The following RPA1 variants were observed in gnomAD, a reference collection of about 807,000 sequenced individuals.
RPA1 encodes replication protein A 70 kDa DNA-binding subunit.
Under a neutral mutation model 83.0 loss-of-function variants are expected in RPA1, and 49 were observed. The ratio of observed to expected loss-of-function variants is 0.59; its 90% CI spans 0.47 to 0.75. The LOEUF is 0.75. Among genes scored for constraint, RPA1 ranks in the 30% least tolerant of loss-of-function variants. The pLI is 0.00. For synonymous variants in RPA1, 279 were observed against 281.8 expected (o/e 0.99, Z 0.10); for missense variants, 693 against 776.1 (o/e 0.89, Z 1.27).
chr17:1,875,805 C>T lies in RPA1; in HGVS notation c.587+12C>T, dbSNP rs1219756015. The T allele has an allele frequency of 3.7e-6, 6 of 1,610,996 alleles. No homozygotes were observed. Among genetic ancestry groups the T allele is most frequent in the Admixed American group, 1.7e-5 (1 of 59,326 alleles). On this transcript the variant is annotated intron_variant, in intron 7 of 16. Transcript: ENST00000254719. ...CCTTACCAGTCCAAGTGAGTTGTTG[C>T]ATAGAGTAAGTTCAGAGTGTACTTA...
intron 16 of RPA1, among the ~76,000 whole-genome samples, chr17:1,896,644 T>TCTG (rs1914441049): frequency 6.6e-6 from 1 of 152,176 alleles, no homozygotes; most frequent in Admixed American, 6.5e-5. Flanking sequence ...GTCCTCTCCC[T>TCTG]CTGCTGCAGG....
intron 8 of RPA1, 65 bp from the exon 9 acceptor site, chr17:1,878,928 C>G: frequency 6.7e-7 from 1 of 1,501,390 alleles, no homozygotes; most frequent in Non-Finnish European, 9.3e-7. Flanking sequence ...ATCCCAGTGT[C>G]ACTTGGGTGC....
At chr17:1,872,599 G>A in intron 6 of RPA1, 73 bp downstream of exon 6, 1 of 1,564,510 alleles carries the variant, frequency 6.4e-7, no homozygotes, top group Non-Finnish European at 8.7e-7. Flanking sequence ...GTTGAATCTG[G>A]GACTAAAGGG....
chr17:1,872,708 CTTTTTTTTTT>C lies in RPA1; in HGVS notation c.454+194_454+203del, dbSNP rs34892322. On this transcript the variant is annotated intron_variant, in intron 6 of 16. Transcript: ENST00000254719. ...GATTGAAAAAATAATTAAAGATTGTCTTTTTTTTTTTTTTTTTTTTTGGAAGTAGGGTCTT... is the reference window on the plus strand; with the variant it reads ...GATTGAAAAAATAATTAAAGATTGTCTTTTTTTTTTTGGAAGTAGGGTCTT... Among the ~76,000 whole-genome samples the C allele has an allele frequency of 1.5e-4, 17 of 113,032 alleles. No individual in the cohort carries two copies. In the South Asian group the frequency reaches 1.7e-3, roughly 11 times the overall value. 74.2% of individuals were successfully genotyped at this position (113,032 alleles called of 152,430 possible).
chr17:1,842,741 A>G, intron 1 of RPA1, 62 bp from the exon 2 acceptor site: 1 of 1,442,446 alleles, frequency 6.9e-7, no homozygotes. Context: ...AACTATAAAA[A>G]CATGTCATTT....
chr17:1,847,858 A>G (rs1433396710), intron 4 of RPA1, among the ~76,000 whole-genome samples: 2 of 152,044 alleles, frequency 1.3e-5, no homozygotes, highest in African/African-American at 2.4e-5. Context: ...CATCTCTACT[A>G]AAAATACACA....
chr17:1,873,055 C>T (rs537003878), intron 6 of RPA1, among the ~76,000 whole-genome samples: 51 of 152,292 alleles, frequency 3.3e-4, no homozygotes, highest in African/African-American at 1.2e-3. Flanking sequence ...TAGTAGTTGA[C>T]CAAGTAGTTT....
At chr17:1,830,295 C>G (rs1911490998) in intron 1 of RPA1, among the ~76,000 whole-genome samples, 169 bp downstream of exon 1, 1 of 152,212 alleles carries the variant, frequency 6.6e-6, no homozygotes, top group Admixed American at 6.5e-5. Flanking sequence ...TCATCGCCCC[C>G]TCCTCAAAGC....
At chr17:1,872,708 CTTTTTTTTT>C (rs34892322) in intron 6 of RPA1, among the ~76,000 whole-genome samples, 182 bp downstream of exon 6, 3 of 113,032 alleles carry the variant, frequency 2.7e-5, no homozygotes, top group African/African-American at 9.9e-5. Context: ...TAAAGATTGT[CTTTTTTTTT>C]TTTTTTTTTT....
rs55800538 is a variant in RPA1, at chr17:1,879,311, G to T, written c.856G>T (p.Val286Phe). Residue 286 changes from valine to phenylalanine, a missense_variant, in exon 10 of 17, where the codon GTC (valine) becomes TTC (phenylalanine). Transcript: ENST00000254719. Reference sequence around the variant, plus strand: ...GATGACCTTCAATAACGAGACTTCCGTCATGCCCTGTGAGGACGACCATCA... The same window carrying T: ...GATGACCTTCAATAACGAGACTTCCTTCATGCCCTGTGAGGACGACCATCA... The part of the protein sequence containing the change: ...YEMTFNNETS[V>F]MPCEDDHHLP... The T allele has an allele frequency of 1.5e-4, 240 of 1,614,088 alleles. No homozygotes were observed. Among genetic ancestry groups the T allele is most frequent in the Non-Finnish European group, 1.9e-4 (229 of 1,180,046 alleles).
At chr17:1,879,145 G>T in intron 9 of RPA1, 70 bp from the exon 10 acceptor site, 3 of 1,609,460 alleles carry the variant, frequency 1.9e-6, no homozygotes, top group Admixed American at 3.3e-5. Flanking sequence ...AGGGGTGTGT[G>T]GTGGCAGACT....
intron 5 of RPA1, among the ~76,000 whole-genome samples, chr17:1,863,405 G>A (rs78482849): frequency 2.6e-5 from 4 of 151,860 alleles, no homozygotes; most frequent in Non-Finnish European, 5.9e-5. Flanking sequence ...TAGAGACGGC[G>A]TTTCACCACG....
chr17:1,882,740 A>G (rs933047298), intron 12 of RPA1, among the ~76,000 whole-genome samples: 3 of 152,190 alleles, frequency 2.0e-5, no homozygotes, highest in Admixed American at 6.5e-5. Context: ...CTACCACGGT[A>G]TATTGGCTGT....
intron 1 of RPA1, among the ~76,000 whole-genome samples, chr17:1,838,160 A>G (rs945158939): frequency 6.8e-6 from 1 of 147,320 alleles, no homozygotes; most frequent in Non-Finnish European, 1.5e-5. Flanking sequence ...GCGTGGTGGC[A>G]GGCACCTGTA....
chr17:1,880,435 CG>C, intron 11 of RPA1, 107 bp from the exon 12 acceptor site: 1 of 1,172,000 alleles, frequency 8.5e-7, no homozygotes, highest in Admixed American at 2.0e-5. Context: ...ATTCCATGTA[CG>C]CTGATTACAT....
chr17:1,856,367 G>A (rs1350072556), intron 5 of RPA1, among the ~76,000 whole-genome samples: 1 of 151,246 alleles, frequency 6.6e-6, no homozygotes, highest in East Asian at 1.9e-4. Context: ...GGGAAGCTGA[G>A]GCGGGCGGAT....
At chr17:1,857,958 A>T in intron 5 of RPA1, 1 of 1,568,096 alleles carries the variant, frequency 6.4e-7, no homozygotes. Context: ...AACTTTTCCC[A>T]GGCTGGAGAT....
At position 1,848,719 on chromosome 17, in the gene RPA1, A is replaced by G. The variant is rs7219887; in HGVS notation, c.272+4033A>G. 6.0e-3 allele frequency among the ~76,000 whole-genome samples: 914 copies of G among 151,848 alleles called. 11 individuals carry two copies. The highest frequency in any genetic ancestry group is 0.021 in the African/African-American group (868 of 41,494). ...GCTGGGATTACAGATGTGCACCACCATGCCTGGCTAATTTTTTTGTATTTT... is the reference window on the plus strand; with the variant it reads ...GCTGGGATTACAGATGTGCACCACCGTGCCTGGCTAATTTTTTTGTATTTT... On this transcript the variant is annotated intron_variant, in intron 4 of 16. Coordinates refer to ENST00000254719, the MANE Select transcript of RPA1 (RefSeq NM_002945.5).
At position 1,830,038 on chromosome 17, in the gene RPA1, G is replaced by A; in HGVS notation, c.-56G>A. ...AATAACTGCGCAGCGCGCGGGACCC[G>A]GGTGGGGAAGCTGGAGCTGTTGCGG... On this transcript the variant is annotated 5_prime_UTR_variant, in exon 1 of 17. Transcript: ENST00000254719. The A allele has an allele frequency of 3.2e-6, 4 of 1,245,394 alleles. No homozygotes were observed. In the East Asian group the frequency reaches 9.7e-5, roughly 30 times the overall value. 77.1% of individuals were successfully genotyped at this position (1,245,394 alleles called of 1,614,324 possible).
Sources: gnomAD v4.1 joint callset for allele counts (sites outside exome capture counted in the v4.1 genomes callset) on GRCh38, gnomAD v4.1.1 for gene constraint, MANE v1.5 for transcripts, NCBI Gene and HGNC (gene_info 2026-07-23, HGNC 2026-07-21) for gene names.